The following NTAQ1 variants were observed in gnomAD, a reference collection of about 807,000 sequenced individuals.
The protein encoded by NTAQ1 is protein N-terminal glutamine amidohydrolase.
A neutral mutation model predicts 28.2 loss-of-function variants in NTAQ1; 21 were observed. The observed-to-expected ratio is 0.74, with a 90% CI of 0.53 to 1.07. NTAQ1 has a LOEUF of 1.07. NTAQ1 is among the 50% of genes least tolerant of loss of function. The pLI is 0.00. For missense variants in NTAQ1, 264 were observed against 256.6 expected (o/e 1.03, Z -0.20); for synonymous variants, 105 against 90.0 (o/e 1.17, Z -0.94).
At chr8:123,443,273 G>T (rs1449823993), downstream of NTAQ1, among the ~76,000 whole-genome samples, 1 of 151,794 alleles carries the variant, frequency 6.6e-6, no homozygotes, top group Non-Finnish European at 1.5e-5. Context: ...GCCTGGCTCC[G>T]CCTCCCAATG....
In NTAQ1 at chr8:123,436,471, CT is replaced by C. The variant is rs1164943990; in HGVS notation, c.255del (p.His86MetfsTer27). The C allele has an allele frequency of 6.2e-7, 1 of 1,612,502 alleles. No individual in the cohort carries two copies. Among genetic ancestry groups the C allele is most frequent in the Admixed American group, 1.7e-5 (1 of 59,706 alleles). The stretch of plus-strand genomic sequence containing the variant: ...CTTTTAGGATTACCATGTTGTTTTG[CT>C]TCATGTTTCAAGTGGAGGACAGAAC... ...PVIWDYHVVL[L>X]HVSSGGQNFI... is the part of the protein sequence containing the mutation. On this transcript the variant is annotated frameshift_variant, in exon 4 of 6. Transcript: ENST00000287387. LOFTEE classifies it high-confidence loss of function.
intron 2 of NTAQ1, among the ~76,000 whole-genome samples, chr8:123,428,320 C>A (rs1814192565): frequency 6.6e-6 from 1 of 152,120 alleles, no homozygotes; most frequent in South Asian, 2.1e-4. Flanking sequence ...CCTCAGCCTC[C>A]CAAGTAGCTG....
At chr8:123,438,626 C>T (rs1256646582) in intron 5 of NTAQ1, among the ~76,000 whole-genome samples, 3 of 149,308 alleles carry the variant, frequency 2.0e-5, no homozygotes, top group South Asian at 2.1e-4. Context: ...GAGCCGAGAT[C>T]GCACCACTGC....
chr8:123,475,488 T>C, the NTAQ1 span, among the ~76,000 whole-genome samples: 1 of 152,170 alleles, frequency 6.6e-6, no homozygotes, highest in South Asian at 2.1e-4. Context: ...CACATACATA[T>C]GTTTATATTT....
chr8:123,418,447 CAA>C (rs11447317), intron 1 of NTAQ1, among the ~76,000 whole-genome samples: 16 of 126,690 alleles, frequency 1.3e-4, no homozygotes, highest in Admixed American at 2.6e-4. Context: ...GACTCCATCT[CAA>C]AAAAAAAAAA....
downstream of NTAQ1, among the ~76,000 whole-genome samples, chr8:123,471,151 G>A (rs942379178): frequency 2.0e-5 from 3 of 151,378 alleles, no homozygotes; most frequent in Admixed American, 6.6e-5. Context: ...GGCTGGTCTC[G>A]AACTGCTGGG....
At chr8:123,449,948 T>TGTGTGTGTGC (rs1267825051), downstream of NTAQ1, among the ~76,000 whole-genome samples, 1 of 20,710 alleles carries the variant, frequency 4.8e-5, no homozygotes, top group Non-Finnish European at 1.3e-4. Flanking sequence ...TGTGTGTGTG[T>TGTGTGTGTGC]GCATATATAT....
At chr8:123,456,562 A>C (rs1307993268) in intron 6 of NTAQ1, among the ~76,000 whole-genome samples, 1 of 152,216 alleles carries the variant, frequency 6.6e-6, no homozygotes, top group African/African-American at 2.4e-5. Flanking sequence ...CACCAGAATA[A>C]AGTATATGTT....
At chr8:123,440,526 G>A (rs1272707040) in intron 5 of NTAQ1, among the ~76,000 whole-genome samples, 1 of 140,506 alleles carries the variant, frequency 7.1e-6, no homozygotes, top group Admixed American at 7.5e-5. Flanking sequence ...TTTAGACAAA[G>A]CCTTGCTCTG....
At chr8:123,426,356 A>C (rs1311086922) in intron 1 of NTAQ1, among the ~76,000 whole-genome samples, 1 of 152,160 alleles carries the variant, frequency 6.6e-6, no homozygotes, top group Non-Finnish European at 1.5e-5. Context: ...CAGTATGAGA[A>C]AGAACTTTCT....
chr8:123,428,096 A>AAAG (rs1554651932), intron 2 of NTAQ1, 73 bp downstream of exon 2: 473,528 of 1,015,364 alleles, frequency 0.47, 72,522 homozygotes, highest in Middle Eastern at 0.49. Context: ...TAAAAAAAAA[A>AAAG]AAGCTAAATA....
At chr8:123,457,867 C>T (rs753864496) in intron 6 of NTAQ1, among the ~76,000 whole-genome samples, 40 of 151,628 alleles carry the variant, frequency 2.6e-4, no homozygotes, top group Non-Finnish European at 4.9e-4. Context: ...AACTGCATCT[C>T]TGCTAAAAAC....
chr8:123,418,109 A>G (rs920443479), intron 1 of NTAQ1, among the ~76,000 whole-genome samples: 4 of 152,200 alleles, frequency 2.6e-5, no homozygotes, highest in Non-Finnish European at 2.9e-5. Context: ...GCAGTGAACA[A>G]AATCGACAAA....
rs58129752 is a variant in NTAQ1, at chr8:123,468,523, G to A, written c.*1373G>A. On this transcript the variant is annotated 3_prime_UTR_variant, in exon 7 of 7. Coordinates refer to the NTAQ1 transcript ENST00000650311. Reference sequence around the variant, plus strand: ...CCTCCAGTTTCATTCATGTTATAGTGTATGATAGGATTTTCTTATTTTGAA... The same window carrying A: ...CCTCCAGTTTCATTCATGTTATAGTATATGATAGGATTTTCTTATTTTGAA... 3.6e-3 allele frequency among the ~76,000 whole-genome samples: 543 copies of A among 152,262 alleles called. 7 individuals are homozygous for A. The highest frequency in any genetic ancestry group is 0.012 in the African/African-American group (518 of 41,554).
intron 3 of NTAQ1, among the ~76,000 whole-genome samples, chr8:123,432,976 GTCC>G (rs1814489590): frequency 6.6e-6 from 1 of 152,096 alleles, no homozygotes. Context: ...CACTGTGCCT[GTCC>G]TCCTGTAATA....
chr8:123,446,620 G>A (rs1373790651), downstream of NTAQ1, among the ~76,000 whole-genome samples: 1 of 152,080 alleles, frequency 6.6e-6, no homozygotes, highest in Non-Finnish European at 1.5e-5. Context: ...CTGTGTCTGT[G>A]TTGTTTTATC....
intron 3 of NTAQ1, 93 bp from the exon 4 acceptor site, chr8:123,436,360 C>G: frequency 7.8e-7 from 1 of 1,279,790 alleles, no homozygotes; most frequent in Non-Finnish European, 1.1e-6. Context: ...TGTAGCAGTC[C>G]TATATCCTTT....
chr8:123,452,088 G>C (rs867397830), downstream of NTAQ1, among the ~76,000 whole-genome samples: 19 of 152,166 alleles, frequency 1.2e-4, no homozygotes, highest in African/African-American at 4.6e-4. Context: ...CCTCATTCCA[G>C]CCTCTTGTCA....
At chr8:123,460,256 A>G (rs978428716) in intron 6 of NTAQ1, among the ~76,000 whole-genome samples, 6 of 152,228 alleles carry the variant, frequency 3.9e-5, no homozygotes, top group African/African-American at 1.4e-4. Context: ...TGGGCATGAA[A>G]TTATTAGTCC....
Sources: allele counts gnomAD v4.1 joint callset (sites outside exome capture counted in the v4.1 genomes callset), GRCh38; gene constraint gnomAD v4.1.1; transcripts MANE v1.5; gene names NCBI Gene and HGNC (gene_info 2026-07-23, HGNC 2026-07-21).